SLC25A16: variants seen among roughly 807,000 people sequenced by gnomAD.
SLC25A16 encodes solute carrier family 25 member 16.
In SLC25A16, 39 loss-of-function variants were observed where a neutral mutation model predicts 41.5. The ratio of observed to expected loss-of-function variants is 0.94; its 90% CI spans 0.73 to 1.23. SLC25A16 has a LOEUF of 1.23. Ranked by LOEUF, SLC25A16 falls within the 50% of genes most tolerant of loss-of-function variation. The pLI is 0.00. For missense variants in SLC25A16, 421 were observed against 426.9 expected, an observed-to-expected ratio of 0.99 and a Z score of 0.12; for synonymous variants, 146 against 147.8, an observed-to-expected ratio of 0.99 and a Z score of 0.09.
At chr10:68,490,688 GA>G (rs913723858) in intron 6 of SLC25A16, among the ~76,000 whole-genome samples, 48 of 141,620 alleles carry the variant, frequency 3.4e-4, no homozygotes, top group African/African-American at 8.2e-4. Flanking sequence ...AAGTGAAGGG[GA>G]AAAAAAAAAA....
In SLC25A16 at chr10:68,493,552, C is replaced by G; in HGVS notation, c.440G>C (p.Cys147Ser). The G allele has an allele frequency of 6.2e-7, 1 of 1,612,710 alleles. No individual in the cohort carries two copies. The highest frequency in any genetic ancestry group is 8.5e-7 in the Non-Finnish European group (1 of 1,178,956). The stretch of plus-strand genomic sequence containing the variant: ...CCTAACCATGTCAAGAGGGTAAGTA[C>G]AGATAACTGCTGTCATACCTGAAAA... ...GSMAGMTAVI[C>S]TYPLDMVRVR... The change falls in exon 5 of 9, where the codon TGT becomes TCT. Residue 147 changes from cysteine to serine, a missense_variant. By Grantham distance (112) the Cys-to-Ser change is moderately radical (BLOSUM62 -1). Transcript: ENST00000609923.
chr10:68,507,951 C>A (rs2133560430), intron 2 of SLC25A16, among the ~76,000 whole-genome samples: 1 of 152,304 alleles, frequency 6.6e-6, no homozygotes, highest in South Asian at 2.1e-4. Context: ...AGAATTCTGG[C>A]CTTGCGTGGT....
At chr10:68,493,651 A>G in intron 4 of SLC25A16, 81 bp from the exon 5 acceptor site, 2 of 1,101,294 alleles carry the variant, frequency 1.8e-6, no homozygotes, top group South Asian at 1.4e-5. Flanking sequence ...ATTATTCTCA[A>G]TATTATGGCA....
rs1590135696 is a variant in SLC25A16, at chr10:68,527,509, C to T, written c.-134G>A. 2 of 806,446 alleles carry T rather than the reference C, an allele frequency of 2.5e-6. No homozygotes were observed. The highest frequency in any genetic ancestry group is 6.5e-5 in the East Asian group (2 of 30,842). 50.0% of individuals were successfully genotyped at this position (806,446 alleles called of 1,614,324 possible). A position where few individuals can be genotyped will look rare whatever the true frequency, so the allele number is the denominator to read the frequency against. The stretch of plus-strand genomic sequence containing the variant: ...AAAGTAACACCCGGCGGCGCGGCGC[C>T]GGCTGATGGCGTACAGCAAGGGCGG... On this transcript the variant is annotated 5_prime_UTR_variant, in exon 1 of 9. Transcript: ENST00000609923.
intron 5 of SLC25A16, 32 bp downstream of exon 5, chr10:68,493,417 T>A (rs760875757): frequency 6.3e-7 from 1 of 1,577,414 alleles, no homozygotes; most frequent in Non-Finnish European, 8.7e-7. Context: ...TAAAAGGGCA[T>A]GTTATAGATG....
rs1350649708 is a variant in SLC25A16 at position 68,486,220 on chromosome 10, AAAAAACAAAAC to A, written c.842+913_842+923del. ...GGGACAAGAGTGAGACTTTGTCTCA[AAAAAACAAAAC>A]AAAAAAAAAAAAAAAACACAACCTC... On this transcript the variant is annotated intron_variant, in intron 8 of 8. Transcript: ENST00000609923. Among the ~76,000 whole-genome samples the A allele has an allele frequency of 2.6e-3, 345 of 134,780 alleles. 5 individuals carry two copies. Among genetic ancestry groups the A allele is most frequent in the African/African-American group, 9.1e-3 (324 of 35,438 alleles). The allele number at this position is 134,780 out of a possible 152,430, so 88.4% of individuals were successfully genotyped here.
intron 1 of SLC25A16, among the ~76,000 whole-genome samples, chr10:68,521,073 G>A (rs143408143): frequency 0.024 from 3,690 of 151,946 alleles, 158 homozygotes; most frequent in African/African-American, 0.084. Context: ...GGCAGAGGTT[G>A]CAGTGAGCCG....
In SLC25A16 at chr10:68,515,365, GAA is replaced by G. The variant is rs59305144; in HGVS notation, c.223+1384_223+1385del. Among the ~76,000 whole-genome samples the G allele has an allele frequency of 6.2e-3, 838 of 134,866 alleles. 8 individuals are homozygous for G. The highest frequency in any genetic ancestry group is 0.019 in the African/African-American group (698 of 36,766). 88.5% of individuals were successfully genotyped at this position (134,866 alleles called of 152,430 possible). On this transcript the variant is annotated intron_variant, in intron 2 of 8. Transcript: ENST00000609923. Reference sequence around the variant, plus strand: ...AGAGCAAACTCCATCTCCAAAAAAAGAAAAAAAAAAAAAAAGCAAGCACTGGA... The same window carrying G: ...AGAGCAAACTCCATCTCCAAAAAAAGAAAAAAAAAAAAAGCAAGCACTGGA...
rs2133473870 is a variant in SLC25A16, at chr10:68,482,578, G to C, written c.*854C>G. 2 of 152,428 alleles carry C rather than the reference G, an allele frequency of 1.3e-5. 1 individual carries two copies. Among genetic ancestry groups the C allele is most frequent in the South Asian group, 4.1e-4 (2 of 4,820 alleles). The allele number at this position is 152,428 out of a possible 1,614,324, so 9.4% of individuals were successfully genotyped here. On this transcript the variant is annotated 3_prime_UTR_variant, in exon 9 of 9. Coordinates refer to ENST00000609923, the MANE Select transcript of SLC25A16 (RefSeq NM_152707.4). ...ATCATCTAACAAAAACAAATCTATA[G>C]TGTTACTTTTTTTTTAAGAGCAAAG...
chr10:68,506,627 G>T lies in SLC25A16; in HGVS notation c.315C>A (p.Pro105=), dbSNP rs2052959764. 2 of 1,605,174 alleles carry T rather than the reference G, an allele frequency of 1.2e-6. No homozygotes were observed. Among genetic ancestry groups the T allele is most frequent in the Non-Finnish European group, 1.7e-6 (2 of 1,176,186 alleles). Residue 105 remains proline (P), a synonymous_variant, in exon 3 of 9, where the codon CCC becomes CCA. Coordinates refer to ENST00000609923, the MANE Select transcript of SLC25A16 (RefSeq NM_152707.4). ...ATGCCATAAACTGGATTGCACCATAGGGAAAGATTCGAATCATCATTGCAC... is the reference window on the plus strand; with the variant it reads ...ATGCCATAAACTGGATTGCACCATATGGAAAGATTCGAATCATCATTGCAC... ...GNGAMMIRIF[P]YGAIQFMAFE...
intron 8 of SLC25A16, among the ~76,000 whole-genome samples, chr10:68,485,336 C>G (rs896810588): frequency 6.6e-6 from 1 of 152,054 alleles, no homozygotes; most frequent in Non-Finnish European, 1.5e-5. Context: ...GTGATCCTCC[C>G]GCGTCAGCCT....
At chr10:68,489,914 A>G (rs2052628745) in intron 6 of SLC25A16, among the ~76,000 whole-genome samples, 2 of 151,286 alleles carry the variant, frequency 1.3e-5, no homozygotes, top group South Asian at 2.1e-4. Context: ...AAAAAAAAAA[A>G]AAAGGAAGAA....
chr10:68,493,639 G>T, intron 4 of SLC25A16, 69 bp from the exon 5 acceptor site: 1 of 1,228,412 alleles, frequency 8.1e-7, no homozygotes, highest in Non-Finnish European at 1.2e-6. Flanking sequence ...CCTATCATTA[G>T]TATTATTCTC....
chr10:68,499,653 A>G, intron 4 of SLC25A16: 1 of 360,050 alleles, frequency 2.8e-6, no homozygotes, highest in Non-Finnish European at 5.5e-6. Flanking sequence ...CTGAGACAGA[A>G]ATACAATGTG....
chr10:68,527,517 G>T lies in SLC25A16; in HGVS notation c.-142C>A. ...ACCCGGCGGCGCGGCGCCGGCTGAT[G>T]GCGTACAGCAAGGGCGGGGCCTGTG... On this transcript the variant is annotated 5_prime_UTR_variant, in exon 1 of 9. Coordinates refer to ENST00000609923, the MANE Select transcript of SLC25A16 (RefSeq NM_152707.4). 1.3e-6 allele frequency: 1 copy of T among 760,688 alleles called. No individual in the cohort carries two copies. The highest frequency in any genetic ancestry group is 1.9e-5 in the African/African-American group (1 of 53,134). The allele number at this position is 760,688 out of a possible 1,614,324, so 47.1% of individuals were successfully genotyped here. A position where few individuals can be genotyped will look rare whatever the true frequency, so the allele number is the denominator to read the frequency against.
At chr10:68,496,049 T>G (rs921641951) in intron 4 of SLC25A16, among the ~76,000 whole-genome samples, 1 of 152,168 alleles carries the variant, frequency 6.6e-6, no homozygotes, top group African/African-American at 2.4e-5. Context: ...ATTATTCTCA[T>G]GTATTCTATT....
rs2052604116 is a variant in SLC25A16, at chr10:68,488,581, T to C, written c.659A>G (p.His220Arg). 3 of 1,611,806 alleles carry C rather than the reference T, an allele frequency of 1.9e-6. No individual in the cohort carries two copies. The highest frequency in any genetic ancestry group is 2.5e-6 in the Non-Finnish European group (3 of 1,179,592). The change falls in exon 7 of 9, where the codon CAT becomes CGT. Residue 220 changes from histidine to arginine, a missense_variant. By Grantham distance (29) the His-to-Arg change is conservative. Transcript: ENST00000609923. ...FGTLKSVGLS[H>R]APTLLGRPSS... ...AGGTCTGCCAAGAAGGGTAGGAGCA[T>C]GGGAAAGCCCAACACTCTTCAAGGT... is the stretch of plus-strand genomic sequence containing the variant.
At position 68,487,211 on chromosome 10, in the gene SLC25A16, A is replaced by G; in HGVS notation, c.775T>C (p.Tyr259His). 1 of 1,613,192 alleles carries G rather than the reference A, an allele frequency of 6.2e-7. No homozygotes were observed. Among genetic ancestry groups the G allele is most frequent in the Non-Finnish European group, 8.5e-7 (1 of 1,179,528 alleles). ...VAGAIAQTISYPFDVTRRRMQ... is the reference protein window; with the variant it reads ...VAGAIAQTISHPFDVTRRRMQ... ...CGCCGACGAGTCACATCAAATGGGTAGCTAAAAGAAGAAAAAGGCATAAAG... is the reference window on the plus strand; with the variant it reads ...CGCCGACGAGTCACATCAAATGGGTGGCTAAAAGAAGAAAAAGGCATAAAG... Residue 259 changes from tyrosine (Y) to histidine (H), a missense_variant and splice_region_variant, in exon 8 of 9, where the codon TAC becomes CAC. Coordinates refer to ENST00000609923, the MANE Select transcript of SLC25A16 (RefSeq NM_152707.4).
Position 68,506,623 on chromosome 10 carries a change from C to G in SLC25A16, c.319G>C (p.Gly107Arg). The change falls in exon 3 of 9, where the codon GGT (glycine) becomes CGT (arginine). Residue 107 changes from glycine to arginine, a missense_variant. By Grantham distance (125) the Gly-to-Arg change is moderately radical. Transcript: ENST00000609923. ...TCAAATGCCATAAACTGGATTGCAC[C>G]ATAGGGAAAGATTCGAATCATCATT... ...GAMMIRIFPY[G>R]AIQFMAFEHY... 6.2e-7 allele frequency: 1 copy of G among 1,605,020 alleles called. No homozygotes were observed.
Sources: gnomAD v4.1 joint callset for allele counts (sites outside exome capture counted in the v4.1 genomes callset) on GRCh38, gnomAD v4.1.1 for gene constraint, MANE v1.5 for transcripts, NCBI Gene and HGNC (gene_info 2026-07-23, HGNC 2026-07-21) for gene names.